The following CASKIN1 variants were observed in gnomAD, a reference collection of about 807,000 sequenced individuals.
CASKIN1 encodes the protein caskin-1.
In CASKIN1, 42 loss-of-function variants were observed where a neutral mutation model predicts 117.5. The observed-to-expected ratio is 0.36, with a 90% confidence interval of 0.28 to 0.46. CASKIN1 has a LOEUF of 0.46. CASKIN1 is among the 20% of genes least tolerant of loss of function. The probability of loss-of-function intolerance (pLI) is 1.00; values close to 1 mark genes in which losing one functional copy is unlikely to be tolerated. For synonymous variants in CASKIN1, 1,148 were observed against 961.7 expected (o/e 1.19, Z -3.59); for missense variants, 2,083 against 2,077.3 (o/e 1.00, Z -0.05).
chr16:2,184,276 A>T (rs897879662), intron 14 of CASKIN1, among the ~76,000 whole-genome samples: 2 of 152,110 alleles, frequency 1.3e-5, no homozygotes, highest in Non-Finnish European at 2.9e-5. Context: ...TTGGGGATGC[A>T]GGTGGTATGG....
In CASKIN1 at chr16:2,179,767, G is replaced by T; in HGVS notation, c.3601C>A (p.Pro1201Thr). The T allele has an allele frequency of 6.4e-7, 1 of 1,567,506 alleles. No homozygotes were observed. Among genetic ancestry groups the T allele is most frequent in the East Asian group, 2.3e-5 (1 of 42,836 alleles). The change falls in exon 18 of 20, where the codon CCG becomes ACG. Residue 1201 changes from proline (P) to threonine (T), a missense_variant. Transcript: ENST00000343516. The surrounding 1 kb of genome is among the most constrained non-coding windows in gnomAD (Gnocchi z 5.8). ...GGTAGGTGCGCCAGGTCGGTGGGCG[G>T]GGGTTCGGCAGGCGGGGGCGGTGGA... ...LPPPPPPAEP[P>T]PTDLAHLPPL...
chr16:2,179,564 G>A lies in CASKIN1; in HGVS notation c.3775+29C>T. 7.0e-7 allele frequency: 1 copy of A among 1,425,326 alleles called. No homozygotes were observed. Among genetic ancestry groups the A allele is most frequent in the Non-Finnish European group, 9.1e-7 (1 of 1,094,156 alleles). 88.3% of individuals were successfully genotyped at this position (1,425,326 alleles called of 1,614,324 possible). ...TAAGGAGGTGGAGCAGGGTCCTGTT[G>A]CCCCTTCACCCCACCCTGGCTGGCC... On this transcript the variant is annotated intron_variant, in intron 18 of 19. Transcript: ENST00000343516. The surrounding 1 kb of genome is among the most constrained non-coding windows in gnomAD (Gnocchi z 5.8).
At chr16:2,184,550 G>C (rs1354242711) in intron 14 of CASKIN1, among the ~76,000 whole-genome samples, 2 of 152,178 alleles carry the variant, frequency 1.3e-5, no homozygotes, top group African/African-American at 2.4e-5. Context: ...CGCACACACA[G>C]AGGCACAGGT....
In CASKIN1 at chr16:2,180,862, G is replaced by A; in HGVS notation, c.2506C>T (p.Leu836=). The change falls in exon 18 of 20, where the codon CTG becomes TTG. Residue 836 remains leucine, a synonymous_variant. Transcript: ENST00000343516. The stretch of plus-strand genomic sequence containing the variant: ...ACCTCGCCCTCCACGGGCTGGGGCA[G>A]CACGTAGGCAAAGCCGCGGTGCGTC... The part of the protein sequence containing the change: ...SPTHRGFAYV[L]PQPVEGEVGP... 7.1e-7 allele frequency: 1 copy of A among 1,413,192 alleles called. No individual in the cohort carries two copies. Among genetic ancestry groups the A allele is most frequent in the Non-Finnish European group, 9.2e-7 (1 of 1,091,272 alleles). The allele number at this position is 1,413,192 out of a possible 1,614,324, so 87.5% of individuals were successfully genotyped here. A position where few individuals can be genotyped will look rare whatever the true frequency, so the allele number is the denominator to read the frequency against.
chr16:2,180,285 G>A lies in CASKIN1; in HGVS notation c.3083C>T (p.Pro1028Leu), dbSNP rs772331098. ...RAARRPPEGH[P>L]TPRPASPEPG... ...CTCTGGGCTGGCAGGGCGGGGAGTGGGGTGGCCCTCAGGAGGCCTGCGGGC... is the reference window on the plus strand; with the variant it reads ...CTCTGGGCTGGCAGGGCGGGGAGTGAGGTGGCCCTCAGGAGGCCTGCGGGC... Residue 1028 changes from proline to leucine, a missense_variant, in exon 18 of 20, where the codon CCC becomes CTC. Pro to Leu is a moderately conservative substitution (Grantham distance 98). Coordinates refer to ENST00000343516, the MANE Select transcript of CASKIN1 (RefSeq NM_020764.4). 17 of 1,574,284 alleles carry A rather than the reference G, an allele frequency of 1.1e-5. No individual in the cohort carries two copies. The highest frequency in any genetic ancestry group is 2.0e-4 in the Middle Eastern group (1 of 5,110).
At chr16:2,195,353 TAC>T (rs2093212621) in intron 1 of CASKIN1, among the ~76,000 whole-genome samples, 1 of 152,058 alleles carries the variant, frequency 6.6e-6, no homozygotes, top group Non-Finnish European at 1.5e-5. Context: ...CTCTCTGGCT[TAC>T]AGTCTGTGGG....
Position 2,180,683 on chromosome 16 carries a change from C to G in CASKIN1, c.2685G>C (p.Arg895=), listed in dbSNP as rs1159776089. The G allele has an allele frequency of 9.9e-6, 15 of 1,507,860 alleles. No homozygotes were observed. The highest frequency in any genetic ancestry group is 1.2e-5 in the Non-Finnish European group (14 of 1,133,596). 93.4% of individuals were successfully genotyped at this position (1,507,860 alleles called of 1,614,324 possible). The change falls in exon 18 of 20, where the codon CGG becomes CGC. Residue 895 remains arginine, a synonymous_variant. Coordinates refer to ENST00000343516, the MANE Select transcript of CASKIN1 (RefSeq NM_020764.4). ...CAGCCGCAGGCACCAGCAGCTCGTC[C>G]CGCTCCGGCTCGCTGTCGGACGCCG... The part of the protein sequence containing the change: ...RYAASDSEPE[R]DELLVPAAAG...
At chr16:2,186,576 T>TC (rs1040383305) in intron 10 of CASKIN1, 131 bp downstream of exon 10, 4 of 708,160 alleles carry the variant, frequency 5.6e-6, no homozygotes, top group Non-Finnish European at 9.6e-6. Context: ...ACCCTGATGC[T>TC]CCCCACTCAA....
In CASKIN1 at chr16:2,179,685, G is replaced by A. The variant is rs979185691; in HGVS notation, c.3683C>T (p.Pro1228Leu). 4 of 1,527,356 alleles carry A rather than the reference G, an allele frequency of 2.6e-6. No homozygotes were observed. Among genetic ancestry groups the A allele is most frequent in the Non-Finnish European group, 2.6e-6 (3 of 1,143,824 alleles). 94.6% of individuals were successfully genotyped at this position (1,527,356 alleles called of 1,614,324 possible). ...CACAGGCTGCGTCAGGACGGGCTTG[G>A]GAGAGACAGGCGGCTTGGCCGGCTT... Reference protein sequence around the residue: ...ARKPAKPPVSPKPVLTQPVPK... With the variant: ...ARKPAKPPVSLKPVLTQPVPK... The change falls in exon 18 of 20, where the codon CCC becomes CTC. Residue 1228 changes from proline (P) to leucine (L), a missense_variant. Transcript: ENST00000343516. This position sits in a 1 kb window ranked among gnomAD's most constrained non-coding sequence, Gnocchi z 5.8.
In CASKIN1 at chr16:2,178,656, G is replaced by A. The variant is rs367647343; in HGVS notation, c.4200-10C>T. ...TTCCGCCGCCGAGTCGCTGCGGGGCGCGGGGCAAGGGGCGTGAGTGGGCGG... is the reference window on the plus strand; with the variant it reads ...TTCCGCCGCCGAGTCGCTGCGGGGCACGGGGCAAGGGGCGTGAGTGGGCGG... On this transcript the variant is annotated splice_polypyrimidine_tract_variant and intron_variant, in intron 19 of 19. Coordinates refer to ENST00000343516, the MANE Select transcript of CASKIN1 (RefSeq NM_020764.4). 1.7e-3 allele frequency: 2,692 copies of A among 1,584,060 alleles called. 60 individuals are homozygous for A. In the South Asian group the frequency reaches 0.025, roughly 15 times the overall value.
chr16:2,180,745 G>T lies in CASKIN1; in HGVS notation c.2623C>A (p.Arg875=). 1 of 1,441,120 alleles carries T rather than the reference G, an allele frequency of 6.9e-7. No individual in the cohort carries two copies. Among genetic ancestry groups the T allele is most frequent in the Admixed American group, 2.8e-5 (1 of 35,932 alleles). The allele number at this position is 1,441,120 out of a possible 1,614,324, so 89.3% of individuals were successfully genotyped here. The change falls in exon 18 of 20, where the codon CGG becomes AGG. Residue 875 remains arginine (R), a synonymous_variant. Transcript: ENST00000343516. ...LPPEADAEPG[R]PKKRAHSLNR... ...AGGCTGTGGGCCCGCTTCTTGGGCC[G>T]CCCCGGCTCCGCGTCGGCCTCAGGG... is the stretch of plus-strand genomic sequence containing the variant.
chr16:2,178,581 A>G lies in CASKIN1; in HGVS notation c.4265T>C (p.Leu1422Pro). The change falls in exon 20 of 20, where the codon CTG (leucine) becomes CCG (proline). Residue 1422 changes from leucine to proline, a missense_variant. Physicochemically the swap from Leu to Pro is moderately conservative, Grantham distance 98 (BLOSUM62 -3). Around this residue, in one of 3 missense-constraint regions of CASKIN1, gnomAD observed 1,818 missense variants for 1,688.9 expected, o/e 1.08. Coordinates refer to ENST00000343516, the MANE Select transcript of CASKIN1 (RefSeq NM_020764.4). ...LDDIGSMFDD[L>P]ADQLDAMLE ...CAGCATGGCATCCAGCTGGTCGGCC[A>G]GGTCGTCGAACATGCTGCCGATGTC... 1 of 1,597,082 alleles carries G rather than the reference A, an allele frequency of 6.3e-7. No homozygotes were observed. Among genetic ancestry groups the G allele is most frequent in the Non-Finnish European group, 8.5e-7 (1 of 1,176,116 alleles).
In CASKIN1 at chr16:2,181,274, A is replaced by C; in HGVS notation, c.2094T>G (p.Gly698=). 1 of 1,601,170 alleles carries C rather than the reference A, an allele frequency of 6.2e-7. No homozygotes were observed. The highest frequency in any genetic ancestry group is 8.5e-7 in the Non-Finnish European group (1 of 1,178,806). Residue 698 remains glycine (G), a synonymous_variant, in exon 18 of 20, where the codon GGT becomes GGG. Transcript: ENST00000343516. ...ATTRQDSSLG[G]RARHMSSSQE... ...GCGAGCTGCTCATGTGCCGTGCCCG[A>C]CCACCCAGGCTGGAGTCCTGCCGCG...
chr16:2,183,738 C>A lies in CASKIN1; in HGVS notation c.1537G>T (p.Ala513Ser). ...TGGCCCGGCTTGGTGACACCAATGG[C>A]CGTGAGGTCCTAGGCAGTGGGGAGG... ...ISRMTPEDLT[A>S]IGVTKPGHRK... The change falls in exon 16 of 20, where the codon GCC (alanine) becomes TCC (serine). Residue 513 changes from alanine (A) to serine (S), a missense_variant. By Grantham distance (99) the Ala-to-Ser change is moderately conservative (BLOSUM62 1). Coordinates refer to ENST00000343516, the MANE Select transcript of CASKIN1 (RefSeq NM_020764.4). 6.2e-7 allele frequency: 1 copy of A among 1,613,328 alleles called. No individual in the cohort carries two copies. Among genetic ancestry groups the A allele is most frequent in the South Asian group, 1.1e-5 (1 of 91,088 alleles).
At chr16:2,185,527 TC>T in intron 10 of CASKIN1, 119 bp from the exon 11 acceptor site, 1 of 816,500 alleles carries the variant, frequency 1.2e-6, no homozygotes, top group Non-Finnish European at 1.9e-6. Flanking sequence ...CACCATTGTC[TC>T]CAGGGAGCTG....
chr16:2,181,749 TGAGGGTTGGGCTGGGGAC>T (rs771136703), intron 17 of CASKIN1, 24 bp downstream of exon 17: 1 of 1,588,784 alleles, frequency 6.3e-7, no homozygotes. Flanking sequence ...GGGCTTGGGC[TGAGGGTTGGGCTGGGGAC>T]GAGGGCTGGG....
At chr16:2,193,926 G>A (rs1300923219) in intron 1 of CASKIN1, among the ~76,000 whole-genome samples, 5 of 152,310 alleles carry the variant, frequency 3.3e-5, no homozygotes, top group African/African-American at 7.2e-5. Flanking sequence ...ACCTGGAAAC[G>A]GGTTCTCTGG....
intron 1 of CASKIN1, among the ~76,000 whole-genome samples, chr16:2,195,556 G>A (rs1052210419): frequency 1.4e-4 from 21 of 152,342 alleles, no homozygotes; most frequent in Non-Finnish European, 2.4e-4. Flanking sequence ...GATGAGTGCT[G>A]GGACCAGGGC....
In CASKIN1 at chr16:2,181,059, C is replaced by A. The variant is rs760664957; in HGVS notation, c.2309G>T (p.Gly770Val). 27 of 1,490,248 alleles carry A rather than the reference C, an allele frequency of 1.8e-5. No homozygotes were observed. The highest frequency in any genetic ancestry group is 2.2e-5 in the Non-Finnish European group (25 of 1,125,460). 92.3% of individuals were successfully genotyped at this position (1,490,248 alleles called of 1,614,324 possible). The change falls in exon 18 of 20, where the codon GGC becomes GTC. Residue 770 changes from glycine to valine, a missense_variant. By Grantham distance (109) the Gly-to-Val change is moderately radical (BLOSUM62 -3). Coordinates refer to ENST00000343516, the MANE Select transcript of CASKIN1 (RefSeq NM_020764.4). ...CTGGGGGGGCGTGAAGTGGCTAGTG[C>A]CTGGTGGGAGGACCTGCCGTGGCTT... ...PGKPRQVLPP[G>V]TSHFTPPQTP...
Sources: allele counts gnomAD v4.1 joint callset (sites outside exome capture counted in the v4.1 genomes callset), GRCh38; gene constraint gnomAD v4.1.1; regional missense constraint gnomAD v4.1.1; non-coding constraint Gnocchi (gnomAD v3.1); transcripts MANE v1.5; gene names NCBI Gene and HGNC (gene_info 2026-07-23, HGNC 2026-07-21).